PCDHGA7: variants seen among roughly 807,000 people sequenced by gnomAD.
PCDHGA7 encodes protocadherin gamma subfamily A, 7, also known as protocadherin gamma-A7.
A neutral mutation model predicts 58.3 loss-of-function variants in PCDHGA7; 44 were observed. The observed-to-expected ratio is 0.75, with a 90% CI of 0.59 to 0.97. The LOEUF is 0.97. Among genes scored for constraint, PCDHGA7 ranks in the 50% least tolerant of loss-of-function variants. PCDHGA7 has a pLI of 0.00. For missense variants in PCDHGA7, 1,266 were observed against 1,188.7 expected, an observed-to-expected ratio of 1.06 and a Z score of -0.96; for synonymous variants, 516 against 504.2, an observed-to-expected ratio of 1.02 and a Z score of -0.31.
Position 141,385,179 on chromosome 5 carries a change from C to T in PCDHGA7, c.2280C>T (p.Thr760=), listed in dbSNP as rs1270655942. The T allele has an allele frequency of 7.4e-6, 12 of 1,614,194 alleles. No homozygotes were observed. In the South Asian group the frequency reaches 1.2e-4, roughly 16 times the overall value. Residue 760 remains threonine, a synonymous_variant, in exon 1 of 4, where the codon ACC becomes ACT. Transcript: ENST00000518325. ...CCTATTCCCATGAGGTCTCCCTCAC[C>T]GCGGACTCTCGGAAGAGTCACCTGA... The part of the protein sequence containing the change: ...LQTYSHEVSL[T]ADSRKSHLIF...
rs192411178 is a variant in PCDHGA7, at chr5:141,397,840, C to A, written c.2424+12517C>A. ...AATTACTGCACTGGTTAACTTGAAG[C>A]CGCAGAGGCTGTAGTTTCCTAGTGC... On this transcript the variant is annotated intron_variant, in intron 1 of 3. Transcript: ENST00000518325. 268 of 517,094 alleles carry A rather than the reference C, an allele frequency of 5.2e-4. 2 individuals carry two copies. Among genetic ancestry groups the A allele is most frequent in the African/African-American group, 4.6e-3 (241 of 51,950 alleles). The allele number at this position is 517,094 out of a possible 1,614,324, so 32.0% of individuals were successfully genotyped here. A position where few individuals can be genotyped will look rare whatever the true frequency, so the allele number is the denominator to read the frequency against.
intron 1 of PCDHGA7, chr5:141,399,946 GC>G: frequency 6.2e-7 from 1 of 1,612,270 alleles, no homozygotes. Context: ...CGTGCTGCAG[GC>G]TAGCGAGCCC....
At chr5:141,418,944 C>T in intron 1 of PCDHGA7, 1 of 1,614,026 alleles carries the variant, frequency 6.2e-7, no homozygotes, top group Non-Finnish European at 8.5e-7. Context: ...GATTCCCCTC[C>T]AGGAGTGGTT....
At chr5:141,410,008 C>A (rs2095347582) in intron 1 of PCDHGA7, 1 of 1,613,220 alleles carries the variant, frequency 6.2e-7, no homozygotes, top group Non-Finnish European at 8.5e-7. Flanking sequence ...GACACAACGC[C>A]TGGCTGTCCT....
chr5:141,450,006 C>CTATTTTT lies in PCDHGA7; in HGVS notation c.2425-44800_2425-44799insATTTTTT, dbSNP rs70988802. On this transcript the variant is annotated intron_variant, in intron 1 of 3. Coordinates refer to ENST00000518325, the MANE Select transcript of PCDHGA7 (RefSeq NM_018920.4). ...CACATTGCATTTAGTTGCCATGTCTCTTTTTTTTTTTTTTTTTTGAGACAG... is the reference window on the plus strand; with the variant it reads ...CACATTGCATTTAGTTGCCATGTCTCTATTTTTTTTTTTTTTTTTTTTTTTGAGACAG... Among the ~76,000 whole-genome samples, 248 of 132,920 alleles carry CTATTTTT rather than the reference C, an allele frequency of 1.9e-3. 8 individuals carry two copies. Among genetic ancestry groups the CTATTTTT allele is most frequent in the African/African-American group, 4.3e-3 (154 of 35,586 alleles). 87.2% of individuals were successfully genotyped at this position (132,920 alleles called of 152,430 possible). A position where few individuals can be genotyped will look rare whatever the true frequency, so the allele number is the denominator to read the frequency against.
At chr5:141,418,641 T>C in intron 1 of PCDHGA7, 3 of 1,614,028 alleles carry the variant, frequency 1.9e-6, no homozygotes, top group Non-Finnish European at 2.5e-6. Flanking sequence ...GGCACCTCCA[T>C]CCTGAGAGTG....
intron 1 of PCDHGA7, chr5:141,393,987 T>C (rs1361027983): frequency 1.2e-6 from 2 of 1,613,490 alleles, no homozygotes; most frequent in Admixed American, 3.3e-5. Flanking sequence ...TAATTTACCT[T>C]TTAAATTAGA....
In PCDHGA7 at chr5:141,476,016, G is replaced by C; in HGVS notation, c.2425-18791G>C. On this transcript the variant is annotated intron_variant, in intron 1 of 3. Transcript: ENST00000518325. This position sits in a 1 kb window ranked among gnomAD's most constrained non-coding sequence, Gnocchi z 7.6. ...TCAACGGCATCCAGAAAGCCATGTC[G>C]GACTCGGCGCCCAGCGCCCAAGCGC... 1 of 1,359,386 alleles carries C rather than the reference G, an allele frequency of 7.4e-7. No homozygotes were observed. The highest frequency in any genetic ancestry group is 2.3e-5 in the East Asian group (1 of 43,300). 84.2% of individuals were successfully genotyped at this position (1,359,386 alleles called of 1,614,324 possible).
chr5:141,469,283 T>C (rs576231993), intron 1 of PCDHGA7, among the ~76,000 whole-genome samples: 1 of 149,898 alleles, frequency 6.7e-6, no homozygotes, highest in African/African-American at 2.5e-5. Flanking sequence ...TCTCAAAAAA[T>C]AAAACAAAAT....
intron 1 of PCDHGA7, chr5:141,409,423 T>G: frequency 6.2e-7 from 1 of 1,614,026 alleles, no homozygotes; most frequent in Non-Finnish European, 8.5e-7. Context: ...TGGTGACAGA[T>G]GGAGCCCTGG....
chr5:141,469,505 G>T (rs2099202987), intron 1 of PCDHGA7, among the ~76,000 whole-genome samples: 1 of 152,138 alleles, frequency 6.6e-6, no homozygotes. Flanking sequence ...AACCCGGGAG[G>T]TGGAGGTTGC....
chr5:141,481,401 CT>C (rs2099537157), intron 1 of PCDHGA7, among the ~76,000 whole-genome samples: 1 of 152,204 alleles, frequency 6.6e-6, no homozygotes, highest in African/African-American at 2.4e-5. Flanking sequence ...TGACAAAATT[CT>C]TGTATAATTA....
At chr5:141,426,756 G>C in intron 1 of PCDHGA7, 1 of 456,302 alleles carries the variant, frequency 2.2e-6, no homozygotes, top group Non-Finnish European at 4.4e-6. Context: ...ATCTGCTATA[G>C]ATGCAGATGT....
chr5:141,467,532 T>G (rs2099145568), intron 1 of PCDHGA7, among the ~76,000 whole-genome samples: 1 of 152,234 alleles, frequency 6.6e-6, no homozygotes, highest in Non-Finnish European at 1.5e-5. Flanking sequence ...TGTGCTGAGA[T>G]ATGGATCTGA....
chr5:141,384,729 G>A lies in PCDHGA7; in HGVS notation c.1830G>A (p.Lys610=). The stretch of plus-strand genomic sequence containing the variant: ...CCTGGCTGTCATACCTCCTGCTTAA[G>A]GCCAGCGAGCCAGGACTCTTTGCGG... ...QNAWLSYLLL[K]ASEPGLFAVG... Residue 610 remains lysine, a synonymous_variant, in exon 1 of 4, where the codon AAG becomes AAA. Transcript: ENST00000518325. 6.2e-7 allele frequency: 1 copy of A among 1,614,122 alleles called. No individual in the cohort carries two copies. Among genetic ancestry groups the A allele is most frequent in the Non-Finnish European group, 8.5e-7 (1 of 1,180,044 alleles).
chr5:141,454,779 A>G (rs1387404898), intron 1 of PCDHGA7, among the ~76,000 whole-genome samples: 2 of 146,092 alleles, frequency 1.4e-5, no homozygotes, highest in African/African-American at 2.6e-5. Context: ...ACAAGGAAAT[A>G]ATCCTCCATG....
intron 3 of PCDHGA7, among the ~76,000 whole-genome samples, chr5:141,507,582 T>G (rs1221383898): frequency 6.6e-6 from 1 of 152,264 alleles, no homozygotes; most frequent in Non-Finnish European, 1.5e-5. Flanking sequence ...AGATGCCAAG[T>G]TGGCCTCTTG....
At position 141,384,752 on chromosome 5, in the gene PCDHGA7, C is replaced by T. The variant is rs974144646; in HGVS notation, c.1853C>T (p.Ala618Val). 6.2e-6 allele frequency: 10 copies of T among 1,613,906 alleles called. No individual in the cohort carries two copies. The African/African-American group carries it at 6.7e-5, about 11-fold the overall frequency. ...LLKASEPGLF[A>V]VGLYTGEVRT... is the part of the protein sequence containing the mutation. ...AAGGCCAGCGAGCCAGGACTCTTTG[C>T]GGTTGGGCTGTACACGGGCGAGGTG... The change falls in exon 1 of 4, where the codon GCG (alanine) becomes GTG (valine). Residue 618 changes from alanine (A) to valine (V), a missense_variant. Ala to Val is a moderately conservative substitution (Grantham distance 64). Coordinates refer to ENST00000518325, the MANE Select transcript of PCDHGA7 (RefSeq NM_018920.4).
At chr5:141,463,808 T>C (rs1018369312) in intron 1 of PCDHGA7, among the ~76,000 whole-genome samples, 2 of 152,196 alleles carry the variant, frequency 1.3e-5, no homozygotes, top group African/African-American at 4.8e-5. Flanking sequence ...CTAAAAGCTT[T>C]TATCACACAT....
Sources: allele counts gnomAD v4.1 joint callset (sites outside exome capture counted in the v4.1 genomes callset), GRCh38; gene constraint gnomAD v4.1.1; non-coding constraint Gnocchi (gnomAD v3.1); transcripts MANE v1.5; gene names NCBI Gene and HGNC (gene_info 2026-07-23, HGNC 2026-07-21).